The following KLF8 variants were observed in gnomAD, a reference collection of about 807,000 sequenced individuals.
The protein encoded by KLF8 is KLF transcription factor 8.
In KLF8, 10 loss-of-function variants were observed where a neutral mutation model predicts 18.2. That is an observed-to-expected ratio of 0.55 (90% CI 0.34 to 0.93). The LOEUF (loss-of-function observed/expected upper bound fraction) is 0.93. Among genes scored for constraint, KLF8 ranks in the 40% least tolerant of loss-of-function variants. The pLI is 0.02. For synonymous variants in KLF8, 109 were observed against 97.3 expected (o/e 1.12, Z -0.71); for missense variants, 264 against 277.9 (o/e 0.95, Z 0.36).
the KLF8 span, among the ~76,000 whole-genome samples, chrX:56,051,869 A>G: frequency 9.2e-6 from 1 of 109,006 alleles, no homozygotes; most frequent in Non-Finnish European, 1.9e-5. Context: ...AGTGTTTTCC[A>G]ACTTGGTTCC....
chrX:56,134,787 A>G, the KLF8 span, among the ~76,000 whole-genome samples: 1 of 110,694 alleles, frequency 9.0e-6, no homozygotes, highest in Non-Finnish European at 1.9e-5. Flanking sequence ...TCTACAAGGG[A>G]CTCAAACAAA....
chrX:56,270,426 CAG>C (rs1214833854), intron 5 of KLF8, 105 bp downstream of exon 5: 8,399 of 764,371 alleles, frequency 0.011, 1 homozygote, highest in East Asian at 0.016. Flanking sequence ...GAGAGAGGGG[CAG>C]AGAGAGAGAG....
chrX:55,944,847 C>T, the KLF8 span, among the ~76,000 whole-genome samples: 3 of 110,991 alleles, frequency 2.7e-5, no homozygotes, highest in Non-Finnish European at 5.7e-5. Flanking sequence ...CTGCTGTGAT[C>T]TTAGTTATTT....
At chrX:56,274,720 T>C (rs6611493) in intron 5 of KLF8, among the ~76,000 whole-genome samples, 57,058 of 110,365 alleles carry the variant, frequency 0.52, 13,331 homozygotes, top group Non-Finnish European at 0.72. Flanking sequence ...TTCTTTTACC[T>C]GTGATATCCA....
chrX:56,167,469 A>T, the KLF8 span, among the ~76,000 whole-genome samples: 1 of 111,806 alleles, frequency 8.9e-6, no homozygotes, highest in African/African-American at 3.2e-5. Flanking sequence ...AGTACGCTCT[A>T]ATCGAAGAGA....
At chrX:56,196,698 G>T in the KLF8 span, among the ~76,000 whole-genome samples, 2 of 111,341 alleles carry the variant, frequency 1.8e-5, no homozygotes, top group African/African-American at 6.5e-5. Flanking sequence ...CAAGACAGAA[G>T]ATTAACAAGG....
chrX:56,139,565 T>C, the KLF8 span, among the ~76,000 whole-genome samples: 1 of 111,736 alleles, frequency 8.9e-6, no homozygotes, highest in Admixed American at 9.5e-5. Context: ...GGATTCCCTA[T>C]TCAATAAATG....
the KLF8 span, among the ~76,000 whole-genome samples, chrX:55,938,044 A>T: frequency 9.0e-6 from 1 of 111,315 alleles, no homozygotes; most frequent in Non-Finnish European, 1.9e-5. Context: ...ATACTCCTCG[A>T]GAAGAGCAAC....
the KLF8 span, among the ~76,000 whole-genome samples, chrX:56,099,362 C>T: frequency 9.0e-6 from 1 of 111,390 alleles, no homozygotes; most frequent in Non-Finnish European, 1.9e-5. Flanking sequence ...CATTCCTTCA[C>T]TTCTGTTTCT....
the KLF8 span, among the ~76,000 whole-genome samples, chrX:56,193,343 A>G: frequency 8.9e-6 from 1 of 112,117 alleles, no homozygotes; most frequent in South Asian, 3.7e-4. Context: ...AGACGCAGAG[A>G]AAAGGGAACA....
At chrX:56,244,483 A>AG (rs2066595788) in intron 1 of KLF8, among the ~76,000 whole-genome samples, 1 of 112,047 alleles carries the variant, frequency 8.9e-6, no homozygotes, top group African/African-American at 3.2e-5. Flanking sequence ...CCACTGTGCC[A>AG]GGCCCTCTTT....
At chrX:55,940,868 T>G in the KLF8 span, among the ~76,000 whole-genome samples, 1 of 111,252 alleles carries the variant, frequency 9.0e-6, no homozygotes. Context: ...CTCAATGAAA[T>G]AAAAGAGGAT....
At chrX:56,013,823 T>A in the KLF8 span, among the ~76,000 whole-genome samples, 2 of 111,473 alleles carry the variant, frequency 1.8e-5, no homozygotes, top group African/African-American at 6.5e-5. Flanking sequence ...AATTCAACCC[T>A]TTTCTTTTAT....
At chrX:56,061,678 G>C in the KLF8 span, among the ~76,000 whole-genome samples, 1 of 111,231 alleles carries the variant, frequency 9.0e-6, no homozygotes, top group Admixed American at 9.6e-5. Flanking sequence ...TGTCTATTAG[G>C]TCGGCTTGGT....
the KLF8 span, among the ~76,000 whole-genome samples, chrX:56,046,882 T>C: frequency 9.0e-6 from 1 of 111,490 alleles, no homozygotes; most frequent in African/African-American, 3.3e-5. Flanking sequence ...CCAGGTGTTC[T>C]TTGAGCTTTT....
the KLF8 span, among the ~76,000 whole-genome samples, chrX:56,132,225 G>T: frequency 9.0e-6 from 1 of 111,430 alleles, no homozygotes; most frequent in African/African-American, 3.3e-5. Context: ...CAAGATAGAT[G>T]ATATGATAAG....
chrX:56,176,717 C>G, the KLF8 span, among the ~76,000 whole-genome samples: 1 of 111,583 alleles, frequency 9.0e-6, no homozygotes, highest in African/African-American at 3.3e-5. Context: ...TGGTTCCATT[C>G]TCCCTGTCAC....
chrX:56,212,946 G>A, the KLF8 span, among the ~76,000 whole-genome samples: 1 of 112,008 alleles, frequency 8.9e-6, no homozygotes, highest in African/African-American at 3.3e-5. Flanking sequence ...CAGCCTGGAG[G>A]TGGTGTTATA....
At chrX:56,130,237 G>C in the KLF8 span, among the ~76,000 whole-genome samples, 2 of 111,215 alleles carry the variant, frequency 1.8e-5, no homozygotes. Flanking sequence ...CTGCGACTAA[G>C]GGCACTCACA....
Sources: gnomAD v4.1 joint callset for allele counts (sites outside exome capture counted in the v4.1 genomes callset) on GRCh38, gnomAD v4.1.1 for gene constraint, MANE v1.5 for transcripts, NCBI Gene and HGNC (gene_info 2026-07-23, HGNC 2026-07-21) for gene names.